WASHC4: variants seen among roughly 807,000 people sequenced by gnomAD.
WASHC4 encodes the protein WASH complex subunit 7.
In WASHC4, 86 loss-of-function variants were observed where a neutral mutation model predicts 166.6. That is an observed-to-expected ratio of 0.52 (90% CI 0.43 to 0.62). The LOEUF (loss-of-function observed/expected upper bound fraction) is 0.62. WASHC4 is among the 20% of genes least tolerant of loss of function. WASHC4 has a pLI of 0.00. For synonymous variants in WASHC4, 446 were observed against 451.6 expected (o/e 0.99, Z 0.16); for missense variants, 1,262 against 1,382.4 (o/e 0.91, Z 1.38).
chr12:105,122,172 A>G lies in WASHC4; in HGVS notation c.720A>G (p.Lys240=), dbSNP rs1318435362. 1 of 1,611,396 alleles carries G rather than the reference A, an allele frequency of 6.2e-7. No individual in the cohort carries two copies. Among genetic ancestry groups the G allele is most frequent in the Non-Finnish European group, 8.5e-7 (1 of 1,178,088 alleles). ...NPSKFGIQEE[K]LKPFEKFLLK... Reference sequence around the variant, plus strand: ...CAAAATTTGGAATTCAGGAAGAAAAATTAAAGCCATTTGAAAAGTTCTTGC... The same window carrying G: ...CAAAATTTGGAATTCAGGAAGAAAAGTTAAAGCCATTTGAAAAGTTCTTGC... The change falls in exon 10 of 33, where the codon AAA becomes AAG. Residue 240 remains lysine, a synonymous_variant. Coordinates refer to ENST00000332180, the MANE Select transcript of WASHC4 (RefSeq NM_015275.3).
At chr12:105,155,493 GT>G (rs11339979) in intron 26 of WASHC4, among the ~76,000 whole-genome samples, 152,155 of 152,162 alleles carry the variant, frequency 1, 76,074 homozygotes, top group Middle Eastern at 1. Flanking sequence ...CAAGATCGAT[GT>G]CAGGATTTTG....
intron 25 of WASHC4, among the ~76,000 whole-genome samples, chr12:105,150,357 T>C (rs1237159061): frequency 2.0e-5 from 3 of 152,232 alleles, no homozygotes; most frequent in African/African-American, 7.2e-5. Flanking sequence ...TCTCTGTAAA[T>C]CTCAGACTTT....
chr12:105,157,759 A>G (rs988273627), intron 28 of WASHC4, among the ~76,000 whole-genome samples: 2 of 152,340 alleles, frequency 1.3e-5, no homozygotes, highest in South Asian at 4.1e-4. Context: ...CACTGTAGCC[A>G]CTACCATATA....
At chr12:105,157,742 A>G (rs768625145) in intron 28 of WASHC4, among the ~76,000 whole-genome samples, 2 of 152,212 alleles carry the variant, frequency 1.3e-5, no homozygotes, top group African/African-American at 2.4e-5. Flanking sequence ...TATGTAATCT[A>G]TAGCAGCACT....
At position 105,152,423 on chromosome 12, in the gene WASHC4, T is replaced by A. The variant is rs1330510787; in HGVS notation, c.2730T>A (p.Asp910Glu). 6.3e-7 allele frequency: 1 copy of A among 1,599,734 alleles called. No individual in the cohort carries two copies. Among genetic ancestry groups the A allele is most frequent in the Non-Finnish European group, 8.6e-7 (1 of 1,167,164 alleles). ...CACCTGAGGGACAGAGCTACCTTGA[T>A]CAATTCAGGCAACTCATCAGCCAGA... ...GVTPEGQSYL[D>E]QFRQLISQIG... Residue 910 changes from aspartate (D) to glutamate (E), a missense_variant, in exon 26 of 33, where the codon GAT becomes GAA. By Grantham distance (45) the Asp-to-Glu change is conservative (BLOSUM62 2). Transcript: ENST00000332180.
Position 105,143,134 on chromosome 12 carries a change from T to G in WASHC4, c.1901T>G (p.Phe634Cys), listed in dbSNP as rs1011949347. 1.9e-6 allele frequency: 3 copies of G among 1,603,810 alleles called. No individual in the cohort carries two copies. Among genetic ancestry groups the G allele is most frequent in the Non-Finnish European group, 2.6e-6 (3 of 1,171,098 alleles). The change falls in exon 20 of 33, where the codon TTC becomes TGC. Residue 634 changes from phenylalanine to cysteine, a missense_variant. Phe to Cys is a radical substitution (Grantham distance 205). Transcript: ENST00000332180. ...TTTTAATTTTCTTCTTAGTACATGT[T>G]CAGTGCTTTGCGCGACTGTGTACCT... Reference protein sequence around the residue: ...AVDAARLHYMFSALRDCVPAM... With the variant: ...AVDAARLHYMCSALRDCVPAM...
intron 29 of WASHC4, 68 bp downstream of exon 29, chr12:105,160,216 C>A: frequency 1.9e-5 from 25 of 1,321,336 alleles, no homozygotes; most frequent in Non-Finnish European, 2.5e-5. Flanking sequence ...GATCTGGTTT[C>A]TTTGTAACAC....
chr12:105,126,429 T>C (rs1881288840), intron 12 of WASHC4, 67 bp downstream of exon 12: 4 of 1,201,930 alleles, frequency 3.3e-6, no homozygotes, highest in Non-Finnish European at 4.8e-6. Flanking sequence ...ACTAAATATT[T>C]TAAAATGCAT....
At chr12:105,155,434 C>G (rs911922783) in intron 26 of WASHC4, among the ~76,000 whole-genome samples, 1 of 151,950 alleles carries the variant, frequency 6.6e-6, no homozygotes, top group African/African-American at 2.4e-5. Flanking sequence ...ATGGAGTGAG[C>G]AAAGATCTAA....
intron 7 of WASHC4, among the ~76,000 whole-genome samples, chr12:105,119,414 T>G (rs537474251): frequency 4.1e-4 from 62 of 152,358 alleles, no homozygotes; most frequent in Non-Finnish European, 8.2e-4. Flanking sequence ...TGAGAAGAGA[T>G]AACTGATACC....
intron 10 of WASHC4, among the ~76,000 whole-genome samples, chr12:105,122,932 G>A (rs1421629222): frequency 6.6e-6 from 1 of 152,086 alleles, no homozygotes; most frequent in Non-Finnish European, 1.5e-5. Context: ...GCCCTACAGT[G>A]GCCTCTAAGT....
intron 22 of WASHC4, 76 bp from the exon 23 acceptor site, chr12:105,146,376 A>C: frequency 1.1e-6 from 1 of 880,614 alleles, no homozygotes; most frequent in Non-Finnish European, 1.9e-6. Context: ...ATAATCAATA[A>C]GTCATTATGC....
chr12:105,144,458 G>T lies in WASHC4; in HGVS notation c.2179+3G>T. The T allele has an allele frequency of 6.2e-7, 1 of 1,607,738 alleles. No homozygotes were observed. Among genetic ancestry groups the T allele is most frequent in the Non-Finnish European group, 8.5e-7 (1 of 1,175,888 alleles). On this transcript the variant is annotated splice_donor_region_variant and intron_variant, in intron 21 of 32. Coordinates refer to ENST00000332180, the MANE Select transcript of WASHC4 (RefSeq NM_015275.3). The stretch of plus-strand genomic sequence containing the variant: ...CAATCGTTTCATTGACATTCGGGGT[G>T]AGTGTTTTGCTTTCCTTCTTAGAGT...
At chr12:105,145,323 C>T (rs1181923507) in intron 22 of WASHC4, among the ~76,000 whole-genome samples, 1 of 151,892 alleles carries the variant, frequency 6.6e-6, no homozygotes, top group East Asian at 1.9e-4. Flanking sequence ...AAACATTTAG[C>T]TTTGCTAATT....
chr12:105,120,662 A>G (rs1313680843), intron 8 of WASHC4, 65 bp downstream of exon 8: 11 of 1,127,944 alleles, frequency 9.8e-6, no homozygotes, highest in East Asian at 4.7e-5. Context: ...TGGAGTTTGT[A>G]TGGTTGGAGA....
intron 7 of WASHC4, among the ~76,000 whole-genome samples, chr12:105,118,823 A>G (rs1880445690): frequency 6.6e-6 from 1 of 152,132 alleles, no homozygotes; most frequent in African/African-American, 2.4e-5. Context: ...CTCTCTCTTT[A>G]TTCCTTTCCT....
chr12:105,110,367 T>C (rs1001503489), intron 1 of WASHC4, among the ~76,000 whole-genome samples: 1 of 152,232 alleles, frequency 6.6e-6, no homozygotes, highest in Admixed American at 6.5e-5. Context: ...GAGTTGAATT[T>C]GTTACCTTTG....
At chr12:105,124,715 G>A (rs552825432) in intron 10 of WASHC4, among the ~76,000 whole-genome samples, 3 of 152,076 alleles carry the variant, frequency 2.0e-5, no homozygotes, top group South Asian at 2.1e-4. Flanking sequence ...TCCTGACCTC[G>A]TGATCTGCCC....
intron 6 of WASHC4, among the ~76,000 whole-genome samples, chr12:105,117,525 G>A (rs907731982): frequency 6.6e-6 from 1 of 151,896 alleles, no homozygotes; most frequent in Non-Finnish European, 1.5e-5. Flanking sequence ...AAGTTTAATA[G>A]GACATGTAAA....
Sources: gnomAD v4.1 joint callset for allele counts (sites outside exome capture counted in the v4.1 genomes callset) on GRCh38, gnomAD v4.1.1 for gene constraint, MANE v1.5 for transcripts, NCBI Gene and HGNC (gene_info 2026-07-23, HGNC 2026-07-21) for gene names.